The following RRP7A variants were observed in gnomAD, a reference collection of about 807,000 sequenced individuals.
RRP7A encodes the protein ribosomal RNA processing 7 homolog A, also known as ribosomal RNA-processing protein 7 homolog A.
RRP7A carries 27 observed loss-of-function variants against 38.4 expected under a neutral mutation model. The observed-to-expected ratio is 0.70, with a 90% CI of 0.52 to 0.97. The LOEUF is 0.97. Ranked by LOEUF, RRP7A falls within the 50% of genes least tolerant of loss-of-function variation. The pLI is 0.00. For synonymous variants in RRP7A, 124 were observed against 150.3 expected (o/e 0.83, Z 1.28); for missense variants, 327 against 375.4 (o/e 0.87, Z 1.07).
In RRP7A at chr22:42,511,160, T is replaced by C. The variant is rs929527164; in HGVS notation, c.*1750A>G. On this transcript the variant is annotated 3_prime_UTR_variant, in exon 7 of 7. Coordinates refer to ENST00000323013, the MANE Select transcript of RRP7A (RefSeq NM_015703.5). ...GTGGCACTACAGGCGCATGCCATCATGCCCAGCTAATAGTCACACTTTTTT... is the reference window on the plus strand; with the variant it reads ...GTGGCACTACAGGCGCATGCCATCACGCCCAGCTAATAGTCACACTTTTTT... The C allele has an allele frequency of 1.3e-5, 2 of 151,962 alleles. No individual in the cohort carries two copies. Among genetic ancestry groups the C allele is most frequent in the African/African-American group, 4.9e-5 (2 of 41,138 alleles). The allele number at this position is 151,962 out of a possible 1,614,324, so 9.4% of individuals were successfully genotyped here.
intron 2 of RRP7A, among the ~76,000 whole-genome samples, chr22:42,517,342 TAAAAAAAA>T (rs71184902): frequency 6.8e-5 from 8 of 117,508 alleles, no homozygotes; most frequent in African/African-American, 1.9e-4. Context: ...TTAGTTTTTG[TAAAAAAAA>T]AAAAAAAAAA....
In RRP7A at chr22:42,510,364, GC is replaced by G; in HGVS notation, c.*2545del. On this transcript the variant is annotated 3_prime_UTR_variant, in exon 7 of 7. Coordinates refer to ENST00000323013, the MANE Select transcript of RRP7A (RefSeq NM_015703.5). ...TCAGATCCCAGCTCTGCTGTTCAGG[GC>G]TGACTGTGACCAAGTCCTGAACTCC... 5.2e-6 allele frequency: 1 copy of G among 193,232 alleles called. No individual in the cohort carries two copies. The highest frequency in any genetic ancestry group is 1.1e-5 in the Non-Finnish European group (1 of 94,544). 12.0% of individuals were successfully genotyped at this position (193,232 alleles called of 1,614,324 possible). A position where few individuals can be genotyped will look rare whatever the true frequency, so the allele number is the denominator to read the frequency against.
chr22:42,517,498 C>T (rs892632458), intron 2 of RRP7A, among the ~76,000 whole-genome samples: 5 of 151,946 alleles, frequency 3.3e-5, no homozygotes, highest in African/African-American at 9.7e-5. Flanking sequence ...TGTAAAAATG[C>T]CTTGGGCTAC....
rs779537916 is a variant in RRP7A, at chr22:42,518,103, G to A, written c.118C>T (p.Leu40Phe). 47 of 1,613,688 alleles carry A rather than the reference G, an allele frequency of 2.9e-5. No homozygotes were observed. Among genetic ancestry groups the A allele is most frequent in the Middle Eastern group, 3.3e-4 (2 of 6,014 alleles). The change falls in exon 2 of 7, where the codon CTC (leucine) becomes TTC (phenylalanine). Residue 40 changes from leucine (L) to phenylalanine (F), a missense_variant. Coordinates refer to ENST00000323013, the MANE Select transcript of RRP7A (RefSeq NM_015703.5). Reference protein sequence around the residue: ...FSEKQQASHYLYVRAHGVRQG... With the variant: ...FSEKQQASHYFYVRAHGVRQG... ...CGAACGCCGTGTGCTCTCACATAGAGGTAGTGAGAAGCCTGTTGCTTTTCA... is the reference window on the plus strand; with the variant it reads ...CGAACGCCGTGTGCTCTCACATAGAAGTAGTGAGAAGCCTGTTGCTTTTCA...
In RRP7A at chr22:42,514,241, G is replaced by A. The variant is rs1172431812; in HGVS notation, c.622C>T (p.Arg208Cys). Residue 208 changes from arginine to cysteine, a missense_variant, in exon 6 of 7, where the codon CGC becomes TGC. This residue lies in a region of RRP7A where 46 missense variants were observed against 93.0 expected (regional missense o/e 0.49). Transcript: ENST00000323013. ...PDEEGWVKVT[R>C]RGRRPVLPRT... ...GGGAGCACAGGCCGCCGGCCCCGGC[G>A]GGTCACCTTCACCCAGCCCTCCTCG... 7 of 1,606,484 alleles carry A rather than the reference G, an allele frequency of 4.4e-6. No homozygotes were observed. Among genetic ancestry groups the A allele is most frequent in the Non-Finnish European group, 5.1e-6 (6 of 1,177,132 alleles).
Position 42,510,884 on chromosome 22 carries a change from C to A in RRP7A, c.*2026G>T. On this transcript the variant is annotated 3_prime_UTR_variant, in exon 7 of 7. Transcript: ENST00000323013. ...AGGCCTCATGCTCCAGTGATCAGTC[C>A]CTAGAGGCCTGGGGACACATGTAAT... is the stretch of plus-strand genomic sequence containing the variant. The A allele has an allele frequency of 3.7e-6, 3 of 810,228 alleles. No homozygotes were observed. Among genetic ancestry groups the A allele is most frequent in the Non-Finnish European group, 4.8e-6 (3 of 626,148 alleles). The allele number at this position is 810,228 out of a possible 1,614,324, so 50.2% of individuals were successfully genotyped here.
At position 42,514,237 on chromosome 22, in the gene RRP7A, C is replaced by T. The variant is rs755111175; in HGVS notation, c.626G>A (p.Arg209Gln). The stretch of plus-strand genomic sequence containing the variant: ...CCGGGGGAGCACAGGCCGCCGGCCC[C>T]GGCGGGTCACCTTCACCCAGCCCTC... ...DEEGWVKVTRRGRRPVLPRTE... is the reference protein window; with the variant it reads ...DEEGWVKVTRQGRRPVLPRTE... The change falls in exon 6 of 7, where the codon CGG becomes CAG. Residue 209 changes from arginine (R) to glutamine (Q), a missense_variant. Around this residue, in one of 5 missense-constraint regions of RRP7A, gnomAD observed 46 missense variants for 93.0 expected, o/e 0.49. Transcript: ENST00000323013. 62 of 1,606,828 alleles carry T rather than the reference C, an allele frequency of 3.9e-5. No homozygotes were observed. The highest frequency in any genetic ancestry group is 3.5e-4 in the Admixed American group (21 of 59,402).
At chr22:42,519,545 G>A (rs991371932) in intron 1 of RRP7A, among the ~76,000 whole-genome samples, 169 bp downstream of exon 1, 3 of 152,084 alleles carry the variant, frequency 2.0e-5, no homozygotes, top group African/African-American at 7.2e-5. Context: ...GCGCCGCCTG[G>A]GTCCTCGGGA....
intron 2 of RRP7A, among the ~76,000 whole-genome samples, chr22:42,517,136 G>C (rs1920932123): frequency 6.6e-6 from 1 of 151,916 alleles, no homozygotes; most frequent in Non-Finnish European, 1.5e-5. Flanking sequence ...AAATGAGCCG[G>C]GCATGGTGGT....
At chr22:42,517,641 T>C (rs567336162) in intron 2 of RRP7A, among the ~76,000 whole-genome samples, 11 of 152,216 alleles carry the variant, frequency 7.2e-5, no homozygotes, top group African/African-American at 2.6e-4. Context: ...TGCCTCAGCT[T>C]CCCTAGTAGC....
chr22:42,512,216 C>T lies in RRP7A; in HGVS notation c.*694G>A. ...TCAGCTCCTTCTTACAGTGCACACA[C>T]ACGCTCCCAGCCCAGCTGTAGCTCT... is the stretch of plus-strand genomic sequence containing the variant. On this transcript the variant is annotated 3_prime_UTR_variant, in exon 7 of 7. Transcript: ENST00000323013. The T allele has an allele frequency of 6.2e-7, 1 of 1,613,256 alleles. No homozygotes were observed. Among genetic ancestry groups the T allele is most frequent in the Non-Finnish European group, 8.5e-7 (1 of 1,179,262 alleles).
intron 2 of RRP7A, among the ~76,000 whole-genome samples, chr22:42,517,210 G>A (rs1365527938): frequency 1.3e-5 from 2 of 151,778 alleles, no homozygotes; most frequent in African/African-American, 2.4e-5. Flanking sequence ...CCCGGGAAGC[G>A]GAGGTTGCAG....
chr22:42,519,338 G>A (rs571520020), intron 1 of RRP7A, among the ~76,000 whole-genome samples: 10 of 151,986 alleles, frequency 6.6e-5, no homozygotes, highest in Admixed American at 2.0e-4. Context: ...GAGTAGGAGG[G>A]CCTATAACAG....
intron 2 of RRP7A, chr22:42,516,362 G>A: frequency 1.7e-6 from 1 of 593,308 alleles, no homozygotes; most frequent in Non-Finnish European, 3.1e-6. Context: ...TTGGAGTATT[G>A]CTCTGTAGCC....
chr22:42,518,292 C>G, intron 1 of RRP7A, 145 bp from the exon 2 acceptor site: 1 of 759,776 alleles, frequency 1.3e-6, no homozygotes, highest in Non-Finnish European at 2.2e-6. Context: ...CCCCCTTACC[C>G]TACTCTTTGG....
Position 42,510,946 on chromosome 22 carries a change from T to C in RRP7A, c.*1964A>G. 2 of 337,830 alleles carry C rather than the reference T, an allele frequency of 5.9e-6. No individual in the cohort carries two copies. The highest frequency in any genetic ancestry group is 9.0e-6 in the Non-Finnish European group (2 of 223,438). 20.9% of individuals were successfully genotyped at this position (337,830 alleles called of 1,614,324 possible). On this transcript the variant is annotated 3_prime_UTR_variant, in exon 7 of 7. Coordinates refer to ENST00000323013, the MANE Select transcript of RRP7A (RefSeq NM_015703.5). ...AAACAGAGACCTTTGGTGGGGAGGTTCTTTACCATCCTCAAGTACCCACCC... is the reference window on the plus strand; with the variant it reads ...AAACAGAGACCTTTGGTGGGGAGGTCCTTTACCATCCTCAAGTACCCACCC...
Position 42,509,138 on chromosome 22 carries a change from AC to A in RRP7A, c.*3771del, listed in dbSNP as rs765100991. 3 of 1,613,154 alleles carry A rather than the reference AC, an allele frequency of 1.9e-6. No individual in the cohort carries two copies. The highest frequency in any genetic ancestry group is 3.3e-5 in the Admixed American group (2 of 59,928). Reference sequence around the variant, plus strand: ...GAGTCTGGACCCATCCCCTTCAGTCACCCCCCAAGGAGACATGGGCGCCAGG... The same window carrying A: ...GAGTCTGGACCCATCCCCTTCAGTCACCCCCAAGGAGACATGGGCGCCAGG... On this transcript the variant is annotated 3_prime_UTR_variant, in exon 7 of 7. Transcript: ENST00000323013.
Position 42,519,757 on chromosome 22 carries a change from C to T in RRP7A, c.30G>A (p.Ala10=), listed in dbSNP as rs1162063022. The change falls in exon 1 of 7, where the codon GCG becomes GCA. Residue 10 remains alanine, a synonymous_variant. Transcript: ENST00000323013. ...TGGGGATACGGTCCTCCGGGTCCCG[C>T]GCGGCGCACTTCCTCCTGCGCGCCA... MVARRRKCA[A]RDPEDRIPSP... The T allele has an allele frequency of 6.9e-7, 1 of 1,453,192 alleles. No homozygotes were observed. Among genetic ancestry groups the T allele is most frequent in the Non-Finnish European group, 9.1e-7 (1 of 1,104,822 alleles). 90.0% of individuals were successfully genotyped at this position (1,453,192 alleles called of 1,614,324 possible).
Position 42,512,926 on chromosome 22 carries a change from T to C in RRP7A, c.827A>G (p.Lys276Arg). Residue 276 changes from lysine (K) to arginine (R), a missense_variant, in exon 7 of 7, where the codon AAA becomes AGA. Lys to Arg is a conservative substitution (Grantham distance 26). Around this residue, in one of 5 missense-constraint regions of RRP7A, gnomAD observed 84 missense variants for 82.8 expected, o/e 1.01. Coordinates refer to ENST00000323013, the MANE Select transcript of RRP7A (RefSeq NM_015703.5). ...QRIELLRAQR[K>R]FRPY ...TCTCACAGCTCAGTACGGTCGGAAT[T>C]TGCGCTGGGCCCGCAGCAGCTCGAT... The C allele has an allele frequency of 6.2e-7, 1 of 1,613,554 alleles. No individual in the cohort carries two copies. The highest frequency in any genetic ancestry group is 8.5e-7 in the Non-Finnish European group (1 of 1,179,708).
Sources: allele counts gnomAD v4.1 joint callset (sites outside exome capture counted in the v4.1 genomes callset), GRCh38; gene constraint gnomAD v4.1.1; regional missense constraint gnomAD v4.1.1; transcripts MANE v1.5; gene names NCBI Gene and HGNC (gene_info 2026-07-23, HGNC 2026-07-21).